The following HNRNPUL1 variants were observed in gnomAD, a reference collection of about 807,000 sequenced individuals.
The protein encoded by HNRNPUL1 is heterogeneous nuclear ribonucleoprotein U-like protein 1.
Under a neutral mutation model 108.5 loss-of-function variants are expected in HNRNPUL1, and 14 were observed. The ratio of observed to expected loss-of-function variants is 0.13; its 90% CI spans 0.09 to 0.20. The LOEUF (loss-of-function observed/expected upper bound fraction) is 0.20, where lower values mean the gene tolerates loss of function less well. HNRNPUL1 is among the 10% of genes least tolerant of loss of function. The pLI is 1.00. For synonymous variants in HNRNPUL1, 422 were observed against 445.2 expected (o/e 0.95, Z 0.66); for missense variants, 804 against 1,168.3 (o/e 0.69, Z 4.55).
intron 7 of HNRNPUL1, among the ~76,000 whole-genome samples, chr19:41,284,549 A>G (rs1410042283): frequency 6.6e-6 from 1 of 152,114 alleles, no homozygotes; most frequent in East Asian, 1.9e-4. Context: ...GCACGCCTGT[A>G]GTCCCAGATA....
intron 5 of HNRNPUL1, 176 bp downstream of exon 5, chr19:41,276,474 A>G: frequency 1.6e-6 from 1 of 616,914 alleles, no homozygotes; most frequent in East Asian, 3.1e-5. Flanking sequence ...TAAATATCAT[A>G]TCAGAAAAGC....
intron 7 of HNRNPUL1, among the ~76,000 whole-genome samples, chr19:41,285,574 C>T (rs2036174066): frequency 6.6e-6 from 1 of 152,178 alleles, no homozygotes; most frequent in Non-Finnish European, 1.5e-5. Context: ...AAATCCTCAA[C>T]ACCAGTTGCC....
chr19:41,298,040 T>C (rs1433117294), intron 10 of HNRNPUL1, among the ~76,000 whole-genome samples: 1 of 152,108 alleles, frequency 6.6e-6, no homozygotes, highest in Non-Finnish European at 1.5e-5. Flanking sequence ...CCAAAGTAAA[T>C]CTTTCCTCAT....
chr19:41,295,383 G>GAA (rs371922055), intron 10 of HNRNPUL1, among the ~76,000 whole-genome samples: 5 of 148,322 alleles, frequency 3.4e-5, no homozygotes, highest in Non-Finnish European at 7.5e-5. Flanking sequence ...AAAAAGAAGG[G>GAA]AAAAAAAAAC....
chr19:41,282,341 C>T (rs1055664455), intron 7 of HNRNPUL1, among the ~76,000 whole-genome samples: 1 of 152,118 alleles, frequency 6.6e-6, no homozygotes, highest in Non-Finnish European at 1.5e-5. Context: ...CACCACTACA[C>T]CCAACTAATT....
At chr19:41,278,927 A>G (rs902492792) in intron 5 of HNRNPUL1, 150 bp from the exon 6 acceptor site, 30 of 646,978 alleles carry the variant, frequency 4.6e-5, no homozygotes, top group Admixed American at 1.0e-4. Flanking sequence ...ATTCGGTTCA[A>G]CAGGCTTTTC....
intron 2 of HNRNPUL1, among the ~76,000 whole-genome samples, chr19:41,268,960 A>G (rs1194333963): frequency 6.6e-6 from 1 of 152,190 alleles, no homozygotes; most frequent in Non-Finnish European, 1.5e-5. Flanking sequence ...GGAGCCAGAA[A>G]GAGCCTTCTA....
At chr19:41,277,111 AAAAAAC>A (rs1205626837) in intron 5 of HNRNPUL1, among the ~76,000 whole-genome samples, 2 of 150,894 alleles carry the variant, frequency 1.3e-5, no homozygotes, top group Non-Finnish European at 1.5e-5. Context: ...AAAAAAAACA[AAAAAAC>A]AAAAACAAAA....
rs868272961 is a variant in HNRNPUL1 at position 41,291,963 on chromosome 19, G to C, written c.1000-282G>C. ...GCCACTGCACTCAGCCTGGGGGACA[G>C]GGTGAGACCCTGTCTCAAAAAAAAA... On this transcript the variant is annotated intron_variant, in intron 7 of 14. Coordinates refer to ENST00000392006, the MANE Select transcript of HNRNPUL1 (RefSeq NM_007040.6). 8 of 409,226 alleles carry C rather than the reference G, an allele frequency of 2.0e-5. 1 individual carries two copies. The highest frequency in any genetic ancestry group is 1.4e-4 in the South Asian group (6 of 42,258). 25.3% of individuals were successfully genotyped at this position (409,226 alleles called of 1,614,324 possible). A position where few individuals can be genotyped will look rare whatever the true frequency, so the allele number is the denominator to read the frequency against.
In HNRNPUL1 at chr19:41,289,299, C is replaced by G. The variant is rs538590879; in HGVS notation, c.1000-2946C>G. On this transcript the variant is annotated intron_variant, in intron 7 of 14. Transcript: ENST00000392006. Reference sequence around the variant, plus strand: ...TGTAAAAATCATTGGTCTCCTGGAACAAGAGGGGAGGACATTGGTGTCAAA... The same window carrying G: ...TGTAAAAATCATTGGTCTCCTGGAAGAAGAGGGGAGGACATTGGTGTCAAA... 1.1e-4 allele frequency among the ~76,000 whole-genome samples: 16 copies of G among 152,300 alleles called. No homozygotes were observed. In the South Asian group the frequency reaches 3.3e-3, roughly 32 times the overall value.
chr19:41,277,696 G>A (rs994044636), intron 5 of HNRNPUL1, among the ~76,000 whole-genome samples: 1 of 152,016 alleles, frequency 6.6e-6, no homozygotes, highest in Non-Finnish European at 1.5e-5. Context: ...TAGTAGAGAT[G>A]GGGTTTCTCC....
rs780452136 is a variant in HNRNPUL1 at position 41,292,220 on chromosome 19, A to G, written c.1000-25A>G. ...GTGCCTATGGCAAGAGTTGGCAATC[A>G]TATTCCTTTGGCTTTTTCTCCTAGG... is the stretch of plus-strand genomic sequence containing the variant. On this transcript the variant is annotated intron_variant, in intron 7 of 14. Transcript: ENST00000392006. This position sits in a 1 kb window ranked among gnomAD's most constrained non-coding sequence, Gnocchi z 4.1. 4.5e-5 allele frequency: 72 copies of G among 1,611,124 alleles called. No individual in the cohort carries two copies. Among genetic ancestry groups the G allele is most frequent in the Non-Finnish European group, 5.9e-5 (70 of 1,177,732 alleles).
Position 41,292,181 on chromosome 19 carries a change from A to G in HNRNPUL1, c.1000-64A>G. 1 of 1,549,128 alleles carries G rather than the reference A, an allele frequency of 6.5e-7. No individual in the cohort carries two copies. The highest frequency in any genetic ancestry group is 1.2e-5 in the South Asian group (1 of 86,122). On this transcript the variant is annotated intron_variant, in intron 7 of 14. Coordinates refer to ENST00000392006, the MANE Select transcript of HNRNPUL1 (RefSeq NM_007040.6). This position sits in a 1 kb window ranked among gnomAD's most constrained non-coding sequence, Gnocchi z 4.1. ...TCTACTCCCTGCATCTACTGTCCTCACATTTGACTCCCAGTGCCTATGGCA... is the reference window on the plus strand; with the variant it reads ...TCTACTCCCTGCATCTACTGTCCTCGCATTTGACTCCCAGTGCCTATGGCA...
rs543945170 is a variant in HNRNPUL1, at chr19:41,298,224, A to G, written c.1519-3312A>G. 3.0e-4 allele frequency among the ~76,000 whole-genome samples: 45 copies of G among 152,186 alleles called. No individual in the cohort carries two copies. In the South Asian group the frequency reaches 7.7e-3, roughly 26 times the overall value. ...TCCTCCCTCCCTCAGACTGTTATAC[A>G]CCAAAACTCCCCATATAGCTTCTCT... On this transcript the variant is annotated intron_variant, in intron 10 of 14. Transcript: ENST00000392006.
chr19:41,294,309 G>A lies in HNRNPUL1; in HGVS notation c.1267-29G>A, dbSNP rs373882817. 136 of 1,611,394 alleles carry A rather than the reference G, an allele frequency of 8.4e-5. No individual in the cohort carries two copies. The highest frequency in any genetic ancestry group is 2.9e-4 in the African/African-American group (22 of 74,782). On this transcript the variant is annotated intron_variant, in intron 8 of 14. Transcript: ENST00000392006. The surrounding 1 kb of genome is among the most constrained non-coding windows in gnomAD (Gnocchi z 4.3). ...CCAAGTGGTGCCATACCACCATGCC[G>A]CAACACCTTCCCTGTCTTGTTCTTG...
intron 10 of HNRNPUL1, among the ~76,000 whole-genome samples, chr19:41,295,317 A>C (rs932096656): frequency 6.6e-6 from 1 of 152,198 alleles, no homozygotes; most frequent in Non-Finnish European, 1.5e-5. Context: ...GGGACCTTGG[A>C]ACCTTTGTAT....
In HNRNPUL1 at chr19:41,294,508, T is replaced by A. The variant is rs199953518; in HGVS notation, c.1389+48T>A. On this transcript the variant is annotated intron_variant, in intron 9 of 14. Transcript: ENST00000392006. This position sits in a 1 kb window ranked among gnomAD's most constrained non-coding sequence, Gnocchi z 4.3. Reference sequence around the variant, plus strand: ...CCTTACTCACCTCCAACCTACTGAGTGCTGCCCTGCAACTAAAATCACTCA... The same window carrying A: ...CCTTACTCACCTCCAACCTACTGAGAGCTGCCCTGCAACTAAAATCACTCA... 1 of 1,613,796 alleles carries A rather than the reference T, an allele frequency of 6.2e-7. No individual in the cohort carries two copies.
At position 41,264,392 on chromosome 19, in the gene HNRNPUL1, T is replaced by G; in HGVS notation, c.-112T>G. 7 of 924,956 alleles carry G rather than the reference T, an allele frequency of 7.6e-6. No individual in the cohort carries two copies. Among genetic ancestry groups the G allele is most frequent in the Non-Finnish European group, 1.0e-5 (7 of 696,346 alleles). The allele number at this position is 924,956 out of a possible 1,614,324, so 57.3% of individuals were successfully genotyped here. ...CGGCCATTTTGAGCCGCTGCCGCCA[T>G]TGGAGTGGGCCCCCCCCCTTTCCCC... On this transcript the variant is annotated 5_prime_UTR_variant, in exon 1 of 15. Transcript: ENST00000392006.
chr19:41,299,744 C>A (rs1242914258), intron 10 of HNRNPUL1, among the ~76,000 whole-genome samples: 1 of 152,132 alleles, frequency 6.6e-6, no homozygotes, highest in East Asian at 1.9e-4. Flanking sequence ...GCCCAAGTTT[C>A]TTCCCCAAAG....
Sources: gnomAD v4.1 joint callset for allele counts (sites outside exome capture counted in the v4.1 genomes callset) on GRCh38, gnomAD v4.1.1 for gene constraint, Gnocchi (gnomAD v3.1) non-coding constraint, MANE v1.5 for transcripts, NCBI Gene and HGNC (gene_info 2026-07-23, HGNC 2026-07-21) for gene names.